MTMR7: variants seen among roughly 807,000 people sequenced by gnomAD.
MTMR7 encodes the protein phosphatidylinositol-3-phosphate phosphatase MTMR7.
In MTMR7, 76 loss-of-function variants were observed where a neutral mutation model predicts 81.2. The observed-to-expected ratio is 0.94, with a 90% CI of 0.78 to 1.13. The LOEUF is 1.13. Among genes scored for constraint, MTMR7 ranks in the 50% most tolerant of loss-of-function variants. The pLI is 0.00. For synonymous variants in MTMR7, 372 were observed against 289.8 expected, an observed-to-expected ratio of 1.28 and a Z score of -2.88; for missense variants, 1,044 against 820.0, an observed-to-expected ratio of 1.27 and a Z score of -3.34.
At chr8:17,400,233 T>G (rs992258764) in intron 1 of MTMR7, among the ~76,000 whole-genome samples, 3 of 152,218 alleles carry the variant, frequency 2.0e-5, no homozygotes, top group Non-Finnish European at 4.4e-5. Flanking sequence ...CTATAGCTAC[T>G]GTGCTAGGCA....
In MTMR7 at chr8:17,361,111, A is replaced by T; in HGVS notation, c.468+6T>A. The T allele has an allele frequency of 6.2e-7, 1 of 1,614,030 alleles. No homozygotes were observed. The highest frequency in any genetic ancestry group is 2.2e-5 in the East Asian group (1 of 44,864). ...CGGCTTCAGTGTTTGGGTTTCACGC[A>T]CTCACTCTGTAGTCTCTATTCACAT... On this transcript the variant is annotated splice_donor_region_variant and intron_variant, in intron 4 of 13. Transcript: ENST00000180173.
At chr8:17,369,826 T>C (rs1820357038) in intron 3 of MTMR7, among the ~76,000 whole-genome samples, 1 of 151,896 alleles carries the variant, frequency 6.6e-6, no homozygotes, top group Non-Finnish European at 1.5e-5. Flanking sequence ...TTTGTATTTT[T>C]AGTAGAGACG....
intron 4 of MTMR7, among the ~76,000 whole-genome samples, chr8:17,357,074 G>A (rs554478620): frequency 6.7e-6 from 1 of 149,962 alleles, no homozygotes; most frequent in Non-Finnish European, 1.5e-5. Context: ...AAGAAAAAAA[G>A]AAAGAAAGAG....
chr8:17,407,355 A>G (rs1260550894), intron 1 of MTMR7, among the ~76,000 whole-genome samples: 1 of 152,194 alleles, frequency 6.6e-6, no homozygotes, highest in African/African-American at 2.4e-5. Context: ...ATGGAATGGT[A>G]TAGTAAGAAA....
intron 5 of MTMR7, 37 bp from the exon 6 acceptor site, chr8:17,341,534 G>C (rs767241948): frequency 4.6e-5 from 74 of 1,608,276 alleles, no homozygotes; most frequent in Non-Finnish European, 6.2e-5. Context: ...GCACCATCAG[G>C]TAACTGTACC....
At chr8:17,356,541 C>T (rs549269247) in intron 4 of MTMR7, among the ~76,000 whole-genome samples, 2 of 151,882 alleles carry the variant, frequency 1.3e-5, no homozygotes, top group South Asian at 4.2e-4. Flanking sequence ...TCTACTACTA[C>T]TACTAATAAT....
intron 2 of MTMR7, 106 bp from the exon 3 acceptor site, chr8:17,371,305 A>C: frequency 7.8e-7 from 1 of 1,280,074 alleles, no homozygotes; most frequent in South Asian, 1.5e-5. Context: ...ACGCTCCCCA[A>C]CCTCCAGCTA....
At chr8:17,394,737 C>T (rs1012590927) in intron 1 of MTMR7, among the ~76,000 whole-genome samples, 1 of 151,994 alleles carries the variant, frequency 6.6e-6, no homozygotes, top group African/African-American at 2.4e-5. Context: ...AATATATATA[C>T]GTGGCAGAGT....
intron 7 of MTMR7, among the ~76,000 whole-genome samples, chr8:17,328,517 G>C (rs779199796): frequency 6.6e-6 from 1 of 151,902 alleles, no homozygotes; most frequent in African/African-American, 2.4e-5. Context: ...GCTGAACAAT[G>C]AGAACACATG....
At chr8:17,396,087 C>T (rs1821237672) in intron 1 of MTMR7, among the ~76,000 whole-genome samples, 2 of 151,116 alleles carry the variant, frequency 1.3e-5, no homozygotes. Flanking sequence ...TAATAATATC[C>T]ATCAGGAGAT....
At chr8:17,403,295 G>A (rs552068264) in intron 1 of MTMR7, among the ~76,000 whole-genome samples, 3 of 152,208 alleles carry the variant, frequency 2.0e-5, no homozygotes, top group African/African-American at 7.2e-5. Context: ...TTCTGCATAT[G>A]GATATCCAGT....
chr8:17,361,006 T>C lies in MTMR7; in HGVS notation c.468+111A>G, dbSNP rs2150556960. The C allele has an allele frequency of 8.4e-6, 10 of 1,194,866 alleles. 1 individual carries two copies. Among genetic ancestry groups the C allele is most frequent in the South Asian group, 7.1e-5 (5 of 70,726 alleles). 74.0% of individuals were successfully genotyped at this position (1,194,866 alleles called of 1,614,324 possible). On this transcript the variant is annotated intron_variant, in intron 4 of 13. Coordinates refer to ENST00000180173, the MANE Select transcript of MTMR7 (RefSeq NM_004686.5). Reference sequence around the variant, plus strand: ...CAAGAGAGACCTGGAAATCCACATATGGATATCTACAAAGAGCTATAAAAC... The same window carrying C: ...CAAGAGAGACCTGGAAATCCACATACGGATATCTACAAAGAGCTATAAAAC...
chr8:17,369,699 G>A (rs994913921), intron 3 of MTMR7, among the ~76,000 whole-genome samples: 7 of 136,988 alleles, frequency 5.1e-5, no homozygotes, highest in Non-Finnish European at 6.1e-5. Context: ...AGGCTGGAGT[G>A]CAGTGGCAAG....
Position 17,298,204 on chromosome 8 carries a change from A to G in MTMR7, c.*1658T>C, listed in dbSNP as rs1211651861. 6.6e-6 allele frequency: 1 copy of G among 152,108 alleles called. No homozygotes were observed. The highest frequency in any genetic ancestry group is 1.5e-5 in the Non-Finnish European group (1 of 67,952). 9.4% of individuals were successfully genotyped at this position (152,108 alleles called of 1,614,324 possible). ...AAAATGTGAAAGCCATTACCACTAT[A>G]TCCTAAGTTTTATTTTAGCAAGGTA... is the stretch of plus-strand genomic sequence containing the variant. On this transcript the variant is annotated 3_prime_UTR_variant, in exon 14 of 14. Transcript: ENST00000180173.
intron 7 of MTMR7, among the ~76,000 whole-genome samples, chr8:17,330,196 C>G (rs148171998): frequency 1.8e-4 from 28 of 152,350 alleles, no homozygotes; most frequent in African/African-American, 6.5e-4. Flanking sequence ...CGAAGAACGG[C>G]TTAAGTAACT....
intron 9 of MTMR7, among the ~76,000 whole-genome samples, chr8:17,310,624 T>A (rs1817732390): frequency 6.6e-6 from 1 of 152,072 alleles, no homozygotes; most frequent in African/African-American, 2.4e-5. Context: ...CACTTTGAGG[T>A]GTCAATGCTA....
At chr8:17,318,759 C>T (rs1563328491) in intron 7 of MTMR7, among the ~76,000 whole-genome samples, 1 of 152,192 alleles carries the variant, frequency 6.6e-6, no homozygotes, top group Admixed American at 6.5e-5. Flanking sequence ...AATCTGTCCT[C>T]ACTCCCCTGC....
At chr8:17,371,577 G>C (rs1820421373) in intron 2 of MTMR7, among the ~76,000 whole-genome samples, 1 of 152,146 alleles carries the variant, frequency 6.6e-6, no homozygotes, top group African/African-American at 2.4e-5. Flanking sequence ...ACACAAGTTA[G>C]AGATGGCTCC....
At chr8:17,410,741 A>G (rs1821715063) in intron 1 of MTMR7, among the ~76,000 whole-genome samples, 1 of 152,194 alleles carries the variant, frequency 6.6e-6, no homozygotes, top group African/African-American at 2.4e-5. Flanking sequence ...CTTAAACTGC[A>G]CTCCAGAGAC....
Sources: gnomAD v4.1 joint callset for allele counts (sites outside exome capture counted in the v4.1 genomes callset) on GRCh38, gnomAD v4.1.1 for gene constraint, MANE v1.5 for transcripts, NCBI Gene and HGNC (gene_info 2026-07-23, HGNC 2026-07-21) for gene names.